ACVR1B: variants seen among roughly 807,000 people sequenced by gnomAD.
The protein encoded by ACVR1B is activin receptor type-1B.
ACVR1B carries 15 observed loss-of-function variants against 55.6 expected under a neutral mutation model. The ratio of observed to expected loss-of-function variants is 0.27; its 90% CI spans 0.18 to 0.42. The LOEUF is 0.42. Ranked by LOEUF, ACVR1B falls within the 10% of genes least tolerant of loss-of-function variation. The probability of loss-of-function intolerance (pLI) is 1.00; values close to 1 mark genes in which losing one functional copy is unlikely to be tolerated. For missense variants in ACVR1B, 359 were observed against 670.1 expected (o/e 0.54, Z 5.13); for synonymous variants, 247 against 254.6 (o/e 0.97, Z 0.28).
chr12:51,993,795 A>G (rs1352421176), intron 8 of ACVR1B, among the ~76,000 whole-genome samples, 190 bp from the exon 9 acceptor site: 6 of 146,648 alleles, frequency 4.1e-5, no homozygotes, highest in Non-Finnish European at 7.5e-5. Context: ...AAAAAAAAAA[A>G]AAAAAAAAAG....
chr12:51,966,750 G>C (rs1941648699), intron 1 of ACVR1B, among the ~76,000 whole-genome samples: 1 of 152,090 alleles, frequency 6.6e-6, no homozygotes, highest in Non-Finnish European at 1.5e-5. Flanking sequence ...TGCCCTTCTT[G>C]GATCTGGGTT....
intron 4 of ACVR1B, among the ~76,000 whole-genome samples, chr12:51,981,910 G>A (rs1447245800): frequency 6.6e-6 from 1 of 152,110 alleles, no homozygotes; most frequent in African/African-American, 2.4e-5. Context: ...ACCCTGGCAA[G>A]GAGGATAACG....
At chr12:51,992,221 T>TG (rs778072486) in intron 8 of ACVR1B, 5 of 585,590 alleles carry the variant, frequency 8.5e-6, no homozygotes, top group Non-Finnish European at 1.5e-5. Context: ...GAAAAGGCTT[T>TG]GGGCCTGGTG....
chr12:51,993,864 T>C, intron 8 of ACVR1B, 121 bp from the exon 9 acceptor site: 1 of 987,356 alleles, frequency 1.0e-6, no homozygotes. Context: ...GGCCGCCGGG[T>C]GGATGTGGAT....
rs1247003190 is a variant in ACVR1B, at chr12:51,975,246, G to C, written c.92-19G>C. The C allele has an allele frequency of 1.2e-6, 2 of 1,600,760 alleles. No individual in the cohort carries two copies. Among genetic ancestry groups the C allele is most frequent in the East Asian group, 2.2e-5 (1 of 44,612 alleles). ...GATCTCACCATTGATGTCAATGTCT[G>C]CTCCCCAATTTCCTGCAGCTCTGCT... On this transcript the variant is annotated intron_variant, in intron 1 of 8. Coordinates refer to ENST00000257963, the MANE Select transcript of ACVR1B (RefSeq NM_004302.5).
At chr12:51,991,815 T>G (rs1450483416) in intron 7 of ACVR1B, 48 bp from the exon 8 acceptor site, 5 of 1,591,914 alleles carry the variant, frequency 3.1e-6, no homozygotes, top group Non-Finnish European at 4.3e-6. Flanking sequence ...TTCTGAGTAA[T>G]CTTTTCCTGC....
chr12:51,959,027 T>A (rs1185102579), intron 1 of ACVR1B, among the ~76,000 whole-genome samples: 1 of 152,224 alleles, frequency 6.6e-6, no homozygotes, highest in Non-Finnish European at 1.5e-5. Context: ...AAGCTTACCT[T>A]CTGCCAGGTG....
Position 51,996,414 on chromosome 12 carries a change from C to T in ACVR1B, c.*2304C>T, listed in dbSNP as rs1357060498. 6.6e-6 allele frequency: 1 copy of T among 152,612 alleles called. No individual in the cohort carries two copies. Among genetic ancestry groups the T allele is most frequent in the Non-Finnish European group, 1.5e-5 (1 of 68,044 alleles). 9.5% of individuals were successfully genotyped at this position (152,612 alleles called of 1,614,324 possible). On this transcript the variant is annotated 3_prime_UTR_variant, in exon 9 of 9. Transcript: ENST00000257963. Reference sequence around the variant, plus strand: ...CTTTCCTTGCATTAAAGGAGATCTTCCCCTAACCTTTGGGCCAATTTACTG... The same window carrying T: ...CTTTCCTTGCATTAAAGGAGATCTTTCCCTAACCTTTGGGCCAATTTACTG...
chr12:51,955,872 C>T (rs1248115421), intron 1 of ACVR1B, among the ~76,000 whole-genome samples: 1 of 152,236 alleles, frequency 6.6e-6, no homozygotes, highest in Non-Finnish European at 1.5e-5. Context: ...TTAAGTCCAA[C>T]TTACATTTCT....
chr12:51,967,262 CAAATA>C (rs1372355791), intron 1 of ACVR1B, among the ~76,000 whole-genome samples: 2 of 145,468 alleles, frequency 1.4e-5, no homozygotes, highest in African/African-American at 5.1e-5. Flanking sequence ...AACAAACAAA[CAAATA>C]AAAACATTAA....
In ACVR1B at chr12:51,994,272, C is replaced by T; in HGVS notation, c.*162C>T. 1.0e-6 allele frequency: 1 copy of T among 987,096 alleles called. No individual in the cohort carries two copies. The highest frequency in any genetic ancestry group is 2.7e-5 in the Admixed American group (1 of 36,482). 61.1% of individuals were successfully genotyped at this position (987,096 alleles called of 1,614,324 possible). On this transcript the variant is annotated 3_prime_UTR_variant, in exon 9 of 9. Transcript: ENST00000257963. The surrounding 1 kb of genome is among the most constrained non-coding windows in gnomAD (Gnocchi z 4.2). The stretch of plus-strand genomic sequence containing the variant: ...AGCCCGGGAGAGACTCGCTCACTCC[C>T]ATGTTGGGTTTGAGACAGACACCTT...
chr12:51,964,676 G>A (rs1472153744), intron 1 of ACVR1B, among the ~76,000 whole-genome samples: 4 of 152,028 alleles, frequency 2.6e-5, no homozygotes, highest in African/African-American at 9.7e-5. Flanking sequence ...TCATTCTTTC[G>A]CATGTGGTTA....
At chr12:51,979,913 T>C (rs566466009) in intron 3 of ACVR1B, among the ~76,000 whole-genome samples, 33 of 152,090 alleles carry the variant, frequency 2.2e-4, no homozygotes, top group Non-Finnish European at 3.7e-4. Flanking sequence ...TGGAAGTCTT[T>C]TAGAGAAGGT....
chr12:51,987,312 G>C (rs1942099629), intron 7 of ACVR1B: 1 of 544,430 alleles, frequency 1.8e-6, no homozygotes, highest in South Asian at 2.8e-5. Context: ...TGGCTCCCAA[G>C]CCACATTCAT....
intron 3 of ACVR1B, among the ~76,000 whole-genome samples, chr12:51,978,627 C>G (rs1371657719): frequency 6.6e-6 from 1 of 151,922 alleles, no homozygotes; most frequent in East Asian, 1.9e-4. Context: ...CAGAGGAGAT[C>G]CAGACCATCC....
chr12:51,987,317 A>G, intron 7 of ACVR1B: 1 of 539,498 alleles, frequency 1.9e-6, no homozygotes, highest in East Asian at 3.0e-5. Context: ...CCCAAGCCAC[A>G]TTCATGGGAA....
At chr12:51,962,548 T>G (rs1941554212) in intron 1 of ACVR1B, among the ~76,000 whole-genome samples, 1 of 152,232 alleles carries the variant, frequency 6.6e-6, no homozygotes, top group African/African-American at 2.4e-5. Flanking sequence ...GTGATTGCTT[T>G]ACTGCTGCAA....
chr12:51,976,621 GT>G (rs1367841961), intron 3 of ACVR1B, 46 bp downstream of exon 3: 1 of 1,605,310 alleles, frequency 6.2e-7, no homozygotes, highest in Non-Finnish European at 8.5e-7. Flanking sequence ...GCTTTCATCA[GT>G]TTCCCAGCAG....
rs115807962 is a variant in ACVR1B at position 51,983,623 on chromosome 12, A to G, written c.812-376A>G. On this transcript the variant is annotated intron_variant, in intron 4 of 8. Coordinates refer to ENST00000257963, the MANE Select transcript of ACVR1B (RefSeq NM_004302.5). ...TGTGGTTCTCCCGTGCAGATGAGCAAGTCTTGGTCAGGATCAAAGCAGTGC... is the reference window on the plus strand; with the variant it reads ...TGTGGTTCTCCCGTGCAGATGAGCAGGTCTTGGTCAGGATCAAAGCAGTGC... Among the ~76,000 whole-genome samples the G allele has an allele frequency of 1.8e-3, 280 of 152,336 alleles. 4 individuals carry two copies. Among genetic ancestry groups the G allele is most frequent in the African/African-American group, 6.4e-3 (266 of 41,578 alleles).
Sources: gnomAD v4.1 joint callset for allele counts (sites outside exome capture counted in the v4.1 genomes callset) on GRCh38, gnomAD v4.1.1 for gene constraint, Gnocchi (gnomAD v3.1) non-coding constraint, MANE v1.5 for transcripts, NCBI Gene and HGNC (gene_info 2026-07-23, HGNC 2026-07-21) for gene names.